SLC12A7: variants seen among roughly 807,000 people sequenced by gnomAD.
SLC12A7 encodes K-Cl cotransporter 4.
A neutral mutation model predicts 120.6 loss-of-function variants in SLC12A7; 100 were observed. The ratio of observed to expected loss-of-function variants is 0.83; its 90% confidence interval spans 0.71 to 0.98. The LOEUF (loss-of-function observed/expected upper bound fraction) is 0.98. Among genes scored for constraint, SLC12A7 ranks in the 50% least tolerant of loss-of-function variants. SLC12A7 has a pLI of 0.00. For synonymous variants in SLC12A7, 760 were observed against 678.0 expected (o/e 1.12, Z -1.88); for missense variants, 1,373 against 1,548.1 (o/e 0.89, Z 1.90).
the SLC12A7 span, among the ~76,000 whole-genome samples, chr5:1,122,987 C>T: frequency 7.9e-5 from 12 of 152,372 alleles, no homozygotes; most frequent in East Asian, 3.9e-4. Context: ...CCTGGGGGCG[C>T]GGGGCCTGAC....
intron 15 of SLC12A7, 163 bp from the exon 16 acceptor site, chr5:1,074,834 G>A (rs1201124028): frequency 9.1e-6 from 6 of 660,978 alleles, no homozygotes; most frequent in African/African-American, 3.6e-5. Flanking sequence ...TGCCCTGAAG[G>A]GAGCCCGTCC....
intron 1 of SLC12A7, among the ~76,000 whole-genome samples, chr5:1,102,983 G>A (rs1334149786): frequency 2.6e-5 from 4 of 152,198 alleles, no homozygotes; most frequent in Non-Finnish European, 5.9e-5. Context: ...GAAGGTGCCG[G>A]GCACTGAAAT....
At chr5:1,148,174 C>T in the SLC12A7 span, among the ~76,000 whole-genome samples, 1 of 142,384 alleles carries the variant, frequency 7.0e-6, no homozygotes, top group Non-Finnish European at 1.6e-5. Flanking sequence ...ACAGAGTTTG[C>T]TTTTTTTTGT....
At chr5:1,077,032 G>T (rs1329031859) in intron 12 of SLC12A7, among the ~76,000 whole-genome samples, 2 of 150,984 alleles carry the variant, frequency 1.3e-5, no homozygotes, top group African/African-American at 4.9e-5. Context: ...CGCCCGGCTT[G>T]CCTGCAACCT....
chr5:1,055,169 TAC>T (rs1007463444), intron 22 of SLC12A7, among the ~76,000 whole-genome samples: 4 of 152,100 alleles, frequency 2.6e-5, no homozygotes, highest in African/African-American at 7.2e-5. Flanking sequence ...CACTGATGTG[TAC>T]ACACACAGGC....
intron 1 of SLC12A7, among the ~76,000 whole-genome samples, chr5:1,095,050 CGGGGCCGGTAGGAGGT>C (rs1740980936): frequency 1.7e-5 from 1 of 60,178 alleles, no homozygotes; most frequent in Admixed American, 1.6e-4. Context: ...CGGTAGGAGG[CGGGGCCGGTAGGAGGT>C]GGGGCCCGTA....
At chr5:1,080,985 C>G (rs982330334) in intron 9 of SLC12A7, among the ~76,000 whole-genome samples, 7 of 127,148 alleles carry the variant, frequency 5.5e-5, no homozygotes, top group African/African-American at 1.6e-4. Context: ...GAACACACTA[C>G]AGAGAGAGAG....
intron 21 of SLC12A7, 94 bp downstream of exon 21, chr5:1,060,250 C>T (rs1432666889): frequency 1.5e-5 from 14 of 909,914 alleles, no homozygotes; most frequent in East Asian, 1.2e-4. Context: ...TCTGGAGGAC[C>T]CTCGTGGGCT....
chr5:1,076,358 G>C (rs1738335646), intron 13 of SLC12A7, 122 bp from the exon 14 acceptor site: 1 of 545,266 alleles, frequency 1.8e-6, no homozygotes. Flanking sequence ...CCCCATGTCT[G>C]TCTCTGCACG....
chr5:1,111,558 G>A (rs1278179029), intron 1 of SLC12A7, among the ~76,000 whole-genome samples: 1 of 152,144 alleles, frequency 6.6e-6, no homozygotes, highest in Non-Finnish European at 1.5e-5. Flanking sequence ...CCAGGGGCCC[G>A]GGCTCCCTCC....
intron 13 of SLC12A7, 55 bp downstream of exon 13, chr5:1,076,639 C>T: frequency 7.5e-7 from 1 of 1,335,580 alleles, no homozygotes; most frequent in Non-Finnish European, 1.1e-6. Flanking sequence ...TCCACACTGC[C>T]CCACGCTCCA....
the SLC12A7 span, among the ~76,000 whole-genome samples, chr5:1,142,966 G>C: frequency 6.6e-6 from 1 of 151,214 alleles, no homozygotes; most frequent in African/African-American, 2.5e-5. Context: ...TGGGCCCCAG[G>C]CCCCGGGCCC....
At chr5:1,081,264 A>G (rs1015995353) in intron 9 of SLC12A7, among the ~76,000 whole-genome samples, 2 of 151,302 alleles carry the variant, frequency 1.3e-5, no homozygotes, top group African/African-American at 4.9e-5. Flanking sequence ...GTTTGAGACC[A>G]GCCTGAGCAA....
At chr5:1,132,627 C>T in the SLC12A7 span, among the ~76,000 whole-genome samples, 21,550 of 152,196 alleles carry the variant, frequency 0.14, 1,790 homozygotes, top group Non-Finnish European at 0.18. Flanking sequence ...CCTTGCCTGC[C>T]TTCTGGACCA....
At chr5:1,135,388 A>G in the SLC12A7 span, among the ~76,000 whole-genome samples, 7 of 128,534 alleles carry the variant, frequency 5.4e-5, no homozygotes, top group East Asian at 5.1e-4. Context: ...ATGCCTCAAC[A>G]CTAGGCCCGT....
At chr5:1,088,574 G>A (rs978056674) in intron 4 of SLC12A7, among the ~76,000 whole-genome samples, 3 of 152,236 alleles carry the variant, frequency 2.0e-5, no homozygotes, top group Admixed American at 6.5e-5. Context: ...CCCTATGACA[G>A]CGACCCCTGA....
At chr5:1,121,463 C>G in the SLC12A7 span, among the ~76,000 whole-genome samples, 1 of 152,230 alleles carries the variant, frequency 6.6e-6, no homozygotes, top group African/African-American at 2.4e-5. Flanking sequence ...GATCGTCACC[C>G]TCACATTCCT....
chr5:1,142,779 C>A, the SLC12A7 span, among the ~76,000 whole-genome samples: 1 of 108,026 alleles, frequency 9.3e-6, no homozygotes, highest in African/African-American at 3.5e-5. Flanking sequence ...CTAGAATACC[C>A]GTGACCATCA....
At chr5:1,100,018 G>A (rs971232413) in intron 1 of SLC12A7, among the ~76,000 whole-genome samples, 27 of 152,236 alleles carry the variant, frequency 1.8e-4, no homozygotes, top group Non-Finnish European at 2.4e-4. Flanking sequence ...ACTTCAGCCA[G>A]TAGCATCCAG....
Sources: gnomAD v4.1 joint callset for allele counts (sites outside exome capture counted in the v4.1 genomes callset) on GRCh38, gnomAD v4.1.1 for gene constraint, MANE v1.5 for transcripts, NCBI Gene and HGNC (gene_info 2026-07-23, HGNC 2026-07-21) for gene names.